The following MFN1 variants were observed in gnomAD, a reference collection of about 807,000 sequenced individuals.
MFN1 encodes mitofusin 1.
Under a neutral mutation model 92.4 loss-of-function variants are expected in MFN1, and 65 were observed. That is an observed-to-expected ratio of 0.70 (90% CI 0.58 to 0.86). The LOEUF is 0.86. MFN1 is among the 40% of genes least tolerant of loss of function. The probability of loss-of-function intolerance (pLI) is 0.00; values close to 1 mark genes in which losing one functional copy is unlikely to be tolerated. For missense variants in MFN1, 781 were observed against 868.0 expected (o/e 0.90, Z 1.26); for synonymous variants, 297 against 300.9 (o/e 0.99, Z 0.13).
intron 14 of MFN1, among the ~76,000 whole-genome samples, chr3:179,384,745 G>T (rs1356100887): frequency 6.6e-6 from 1 of 152,104 alleles, no homozygotes; most frequent in African/African-American, 2.4e-5. Flanking sequence ...GTGCTGTGCT[G>T]GCTGGTTTCA....
chr3:179,378,216 CT>C lies in MFN1; in HGVS notation c.1330-124del. On this transcript the variant is annotated intron_variant, in intron 12 of 17. Coordinates refer to ENST00000471841, the MANE Select transcript of MFN1 (RefSeq NM_033540.3). Reference sequence around the variant, plus strand: ...CCTAGGCAACAAAGCAAGACCCTGTCTCAAAAAAAAAAAAAAAGTCAAATTA... The same window carrying C: ...CCTAGGCAACAAAGCAAGACCCTGTCCAAAAAAAAAAAAAAAGTCAAATTA... 4 of 667,716 alleles carry C rather than the reference CT, an allele frequency of 6.0e-6. No individual in the cohort carries two copies. The East Asian group carries it at 8.4e-5, about 14-fold the overall frequency. 41.4% of individuals were successfully genotyped at this position (667,716 alleles called of 1,614,324 possible). A position where few individuals can be genotyped will look rare whatever the true frequency, so the allele number is the denominator to read the frequency against.
At chr3:179,371,742 T>G (rs1713029490) in intron 9 of MFN1, among the ~76,000 whole-genome samples, 2 of 152,240 alleles carry the variant, frequency 1.3e-5, no homozygotes. Context: ...GTCAGTGGAT[T>G]TTTTTGTAAT....
chr3:179,376,576 G>T (rs926120522), intron 10 of MFN1, among the ~76,000 whole-genome samples: 6 of 152,086 alleles, frequency 3.9e-5, no homozygotes, highest in African/African-American at 1.4e-4. Context: ...GGCTTTATGG[G>T]CCATAAAGTC....
intron 4 of MFN1, among the ~76,000 whole-genome samples, chr3:179,359,492 C>CTCGCTGCA (rs1235012394): frequency 6.8e-6 from 1 of 146,536 alleles, no homozygotes; most frequent in Non-Finnish European, 1.5e-5. Context: ...GTGATCTTGG[C>CTCGCTGCA]TCGCTGCAAC....
Position 179,377,096 on chromosome 3 carries a change from A to T in MFN1, c.1152A>T (p.Arg384=), listed in dbSNP as rs774821516. ...EDQIDRLDFI[R]NQMNLLTLDV... is the part of the protein sequence containing the mutation. ...AAATTGATAGACTGGACTTTATTCG[A>T]AACCAGATGAACCTTTTAACACTGG... The change falls in exon 11 of 18, where the codon CGA becomes CGT. Residue 384 remains arginine (R), a synonymous_variant. Transcript: ENST00000471841. 3.5e-5 allele frequency: 56 copies of T among 1,613,812 alleles called. No homozygotes were observed. The highest frequency in any genetic ancestry group is 4.5e-5 in the Non-Finnish European group (53 of 1,179,922).
intron 3 of MFN1, among the ~76,000 whole-genome samples, chr3:179,355,902 A>G (rs1712328532): frequency 6.6e-6 from 1 of 152,248 alleles, no homozygotes; most frequent in East Asian, 1.9e-4. Flanking sequence ...CAGTGAGCTT[A>G]CATCGCACCA....
chr3:179,362,571 A>G (rs1043060757), intron 5 of MFN1, 89 bp downstream of exon 5: 1 of 1,211,326 alleles, frequency 8.3e-7, no homozygotes, highest in South Asian at 2.2e-5. Context: ...AAAAATTACA[A>G]CATTCAGTTG....
rs1714038259 is a variant in MFN1, at chr3:179,394,744, T to G, written c.*2685T>G. On this transcript the variant is annotated 3_prime_UTR_variant, in exon 18 of 18. Transcript: ENST00000471841. ...GCCAACTCTTATGCCTAGAAATATG[T>G]GCACCTATGACCAAGCCCATGAATT... 1 of 152,222 alleles carries G rather than the reference T, an allele frequency of 6.6e-6. No homozygotes were observed. Among genetic ancestry groups the G allele is most frequent in the South Asian group, 2.1e-4 (1 of 4,832 alleles). 9.4% of individuals were successfully genotyped at this position (152,222 alleles called of 1,614,324 possible). A position where few individuals can be genotyped will look rare whatever the true frequency, so the allele number is the denominator to read the frequency against.
chr3:179,378,856 A>G, intron 14 of MFN1, 42 bp downstream of exon 14: 2 of 1,432,622 alleles, frequency 1.4e-6, no homozygotes, highest in Admixed American at 4.0e-5. Context: ...CTCCTTTATT[A>G]TTTTGTTTAT....
intron 3 of MFN1, among the ~76,000 whole-genome samples, chr3:179,352,594 C>T (rs1316506004): frequency 2.6e-5 from 4 of 152,208 alleles, no homozygotes; most frequent in Non-Finnish European, 4.4e-5. Context: ...CAATAACTGG[C>T]GTTGAACCTC....
At chr3:179,374,381 CAT>C (rs1427863094) in intron 9 of MFN1, among the ~76,000 whole-genome samples, 4 of 39,720 alleles carry the variant, frequency 1.0e-4, no homozygotes, top group Admixed American at 2.8e-4. Flanking sequence ...ATATATATAA[CAT>C]ATATAACATA....
At chr3:179,349,539 T>A (rs1027526789) in intron 2 of MFN1, among the ~76,000 whole-genome samples, 1 of 151,856 alleles carries the variant, frequency 6.6e-6, no homozygotes, top group African/African-American at 2.4e-5. Flanking sequence ...GACAGAGTCT[T>A]GTCTTGTTGC....
intron 4 of MFN1, 33 bp downstream of exon 4, chr3:179,359,035 C>A: frequency 6.3e-7 from 1 of 1,584,474 alleles, no homozygotes; most frequent in East Asian, 2.2e-5. Context: ...GAATAATATA[C>A]CTGAAACAAT....
chr3:179,382,695 A>G (rs1713518171), intron 14 of MFN1, among the ~76,000 whole-genome samples: 1 of 152,224 alleles, frequency 6.6e-6, no homozygotes, highest in Admixed American at 6.5e-5. Flanking sequence ...CCAACAGTGT[A>G]AAAGTGTTCC....
intron 2 of MFN1, 89 bp from the exon 3 acceptor site, chr3:179,351,811 C>A: frequency 7.6e-7 from 1 of 1,319,910 alleles, no homozygotes; most frequent in Non-Finnish European, 1.0e-6. Flanking sequence ...TAACATAAAG[C>A]AAAAATACAT....
chr3:179,373,320 G>C (rs1713094344), intron 9 of MFN1, among the ~76,000 whole-genome samples: 1 of 152,162 alleles, frequency 6.6e-6, no homozygotes. Flanking sequence ...ATAGGACATT[G>C]AATGCACGTG....
In MFN1 at chr3:179,391,967, A is replaced by T; in HGVS notation, c.2148-14A>T. Reference sequence around the variant, plus strand: ...TTTATAGTAATTAGATTGGTGTTTTATTTTTTTAATTAGAAATAAAGCTGT... The same window carrying T: ...TTTATAGTAATTAGATTGGTGTTTTTTTTTTTTAATTAGAAATAAAGCTGT... On this transcript the variant is annotated splice_polypyrimidine_tract_variant and intron_variant, in intron 17 of 17. Coordinates refer to ENST00000471841, the MANE Select transcript of MFN1 (RefSeq NM_033540.3). The T allele has an allele frequency of 6.5e-7, 1 of 1,547,256 alleles. No individual in the cohort carries two copies. Among genetic ancestry groups the T allele is most frequent in the Non-Finnish European group, 8.9e-7 (1 of 1,123,316 alleles).
rs1262803437 is a variant in MFN1, at chr3:179,377,181, A to C, written c.1224+13A>C. The C allele has an allele frequency of 6.2e-7, 1 of 1,608,548 alleles. No individual in the cohort carries two copies. Among genetic ancestry groups the C allele is most frequent in the African/African-American group, 1.3e-5 (1 of 74,566 alleles). On this transcript the variant is annotated intron_variant, in intron 11 of 17. Coordinates refer to ENST00000471841, the MANE Select transcript of MFN1 (RefSeq NM_033540.3). ...GGTGGCAAACAAAGTGGGTAACAGTAGCTTCATGATTAAAATAACCTGGAT... is the reference window on the plus strand; with the variant it reads ...GGTGGCAAACAAAGTGGGTAACAGTCGCTTCATGATTAAAATAACCTGGAT...
chr3:179,349,328 CAA>C (rs1348483931), intron 2 of MFN1, among the ~76,000 whole-genome samples: 1 of 152,104 alleles, frequency 6.6e-6, no homozygotes, highest in African/African-American at 2.4e-5. Context: ...AGTGCCCAGA[CAA>C]AAAATCAGGC....
Sources: gnomAD v4.1 joint callset for allele counts (sites outside exome capture counted in the v4.1 genomes callset) on GRCh38, gnomAD v4.1.1 for gene constraint, MANE v1.5 for transcripts, NCBI Gene and HGNC (gene_info 2026-07-23, HGNC 2026-07-21) for gene names.